Variants in CEACAM21 observed in about 807,000 individuals in gnomAD.
CEACAM21 encodes CEA cell adhesion molecule 21, also known as cell adhesion molecule CEACAM21.
In CEACAM21, 38 loss-of-function variants were observed where a neutral mutation model predicts 33.2. That is an observed-to-expected ratio of 1.14 (90% CI 0.88 to 1.50). The LOEUF (loss-of-function observed/expected upper bound fraction) is 1.50. Among genes scored for constraint, CEACAM21 ranks in the 40% most tolerant of loss-of-function variants. The pLI, the probability that CEACAM21 is intolerant of heterozygous loss-of-function variation, is 0.00. For missense variants in CEACAM21, 385 were observed against 364.6 expected, an observed-to-expected ratio of 1.06 and a Z score of -0.46; for synonymous variants, 156 against 143.0, an observed-to-expected ratio of 1.09 and a Z score of -0.65.
rs189754606 is a variant in CEACAM21, at chr19:41,579,319, C to T, written c.425-34C>T. Reference sequence around the variant, plus strand: ...AGATCTCTGAGGATGCAGCATGGCCCCAAGACACTTTCTGTTGGTCACTCT... The same window carrying T: ...AGATCTCTGAGGATGCAGCATGGCCTCAAGACACTTTCTGTTGGTCACTCT... On this transcript the variant is annotated intron_variant, in intron 2 of 6. Coordinates refer to ENST00000401445, the MANE Select transcript of CEACAM21 (RefSeq NM_001098506.4). 80 of 1,613,952 alleles carry T rather than the reference C, an allele frequency of 5.0e-5. No individual in the cohort carries two copies. In the East Asian group the frequency reaches 1.7e-3, roughly 34 times the overall value.
chr19:41,549,655 G>A (rs1203201227), intron 1 of CEACAM21: 5 of 152,044 alleles, frequency 3.3e-5, no homozygotes, highest in Non-Finnish European at 7.4e-5. Context: ...TTGTTGTTGG[G>A]TTTTTTGATG....
intron 1 of CEACAM21, among the ~76,000 whole-genome samples, chr19:41,558,187 C>T (rs2041655035): frequency 6.6e-6 from 1 of 150,980 alleles, no homozygotes; most frequent in South Asian, 2.1e-4. Context: ...AAACAAAATG[C>T]TTCATAATTA....
intron 1 of CEACAM21, chr19:41,549,610 G>T (rs1016727010): frequency 2.0e-5 from 3 of 152,108 alleles, no homozygotes; most frequent in African/African-American, 7.2e-5. Flanking sequence ...GGATCGAATA[G>T]CTCCAATTGT....
chr19:41,570,170 C>T (rs1220370613), intron 2 of CEACAM21, among the ~76,000 whole-genome samples: 11 of 152,110 alleles, frequency 7.2e-5, no homozygotes, highest in Non-Finnish European at 1.6e-4. Flanking sequence ...TAATGGGGAA[C>T]GAGGGTGACA....
At chr19:41,568,793 A>T (rs377407532) in intron 2 of CEACAM21, among the ~76,000 whole-genome samples, 2 of 152,138 alleles carry the variant, frequency 1.3e-5, no homozygotes, top group African/African-American at 4.8e-5. Flanking sequence ...GGTTTTAGGA[A>T]TTTTTGTGGT....
At chr19:41,567,982 C>T (rs2042374857) in intron 2 of CEACAM21, among the ~76,000 whole-genome samples, 1 of 151,628 alleles carries the variant, frequency 6.6e-6, no homozygotes, top group Non-Finnish European at 1.5e-5. Context: ...TTTAGTGCTT[C>T]ATGATTCACC....
chr19:41,552,470 G>C (rs2041270564), intron 1 of CEACAM21, among the ~76,000 whole-genome samples: 2 of 152,154 alleles, frequency 1.3e-5, no homozygotes, highest in Admixed American at 6.5e-5. Context: ...TTACATTCTA[G>C]CCTTTGTAGA....
intron 1 of CEACAM21, among the ~76,000 whole-genome samples, chr19:41,553,928 C>A (rs1219009806): frequency 7.6e-6 from 1 of 132,276 alleles, no homozygotes; most frequent in Non-Finnish European, 1.7e-5. Context: ...TTAAGAATAC[C>A]CACAAATAGT....
At chr19:41,564,935 C>T (rs3745937) in exon 2 of CEACAM21, 28,850 of 152,326 alleles carry the variant, frequency 0.19, 2,808 homozygotes, top group Middle Eastern at 0.24. Context: ...ATGACACAGT[C>T]GGATTCCCAA....
chr19:41,570,404 C>G (rs186542104), intron 2 of CEACAM21, among the ~76,000 whole-genome samples: 2 of 152,298 alleles, frequency 1.3e-5, no homozygotes, highest in East Asian at 3.9e-4. Flanking sequence ...TCTAGGGACA[C>G]AACCTCTCTT....
chr19:41,567,120 A>G (rs1157133607), intron 2 of CEACAM21, among the ~76,000 whole-genome samples: 1 of 152,196 alleles, frequency 6.6e-6, no homozygotes, highest in African/African-American at 2.4e-5. Context: ...AAGTAAAGAA[A>G]CAATAATGTG....
At chr19:41,573,046 G>A (rs2042712349), upstream of CEACAM21, among the ~76,000 whole-genome samples, 1 of 152,176 alleles carries the variant, frequency 6.6e-6, no homozygotes, top group South Asian at 2.1e-4. Flanking sequence ...CAAGCTTGAG[G>A]CCTCAGGCAA....
upstream of CEACAM21, among the ~76,000 whole-genome samples, chr19:41,574,427 T>G (rs1226355672): frequency 1.3e-5 from 2 of 152,118 alleles, no homozygotes; most frequent in Non-Finnish European, 2.9e-5. Flanking sequence ...TGAGAAAAAT[T>G]TTGCAAATCA....
chr19:41,585,736 C>T, intron 5 of CEACAM21, 104 bp from the exon 6 acceptor site: 1 of 1,254,328 alleles, frequency 8.0e-7, no homozygotes, highest in South Asian at 1.3e-5. Context: ...CTGAGAAAGG[C>T]TCCCTCTCCC....
chr19:41,586,252 G>A (rs782813592), intron 6 of CEACAM21: 1 of 530,356 alleles, frequency 1.9e-6, no homozygotes, highest in Non-Finnish European at 3.5e-6. Context: ...CCCAGGATCT[G>A]TCCCCACTGG....
chr19:41,579,810 T>C (rs782101372), intron 3 of CEACAM21, among the ~76,000 whole-genome samples, 182 bp downstream of exon 3: 1 of 152,184 alleles, frequency 6.6e-6, no homozygotes, highest in Non-Finnish European at 1.5e-5. Context: ...AGGTACCAGG[T>C]ATTTGACCTT....
At chr19:41,553,185 C>T (rs140404367) in intron 1 of CEACAM21, among the ~76,000 whole-genome samples, 1,887 of 152,074 alleles carry the variant, frequency 0.012, 48 homozygotes, top group Non-Finnish European at 0.017. Flanking sequence ...TGAAGTGGCA[C>T]GATCTTGACT....
At chr19:41,560,123 A>G (rs1199828783) in intron 1 of CEACAM21, among the ~76,000 whole-genome samples, 1 of 152,246 alleles carries the variant, frequency 6.6e-6, no homozygotes, top group Admixed American at 6.5e-5. Context: ...GAGTTCTCCC[A>G]TTATTCAAGA....
intron 1 of CEACAM21, among the ~76,000 whole-genome samples, chr19:41,559,673 T>C (rs1345900511): frequency 6.6e-6 from 1 of 152,138 alleles, no homozygotes; most frequent in Non-Finnish European, 1.5e-5. Flanking sequence ...AAGACGCCAG[T>C]ACTCATAAAT....
Sources: allele counts gnomAD v4.1 joint callset (sites outside exome capture counted in the v4.1 genomes callset), GRCh38; gene constraint gnomAD v4.1.1; transcripts MANE v1.5; gene names NCBI Gene and HGNC (gene_info 2026-07-23, HGNC 2026-07-21).